The following RBFOX2 variants were observed in gnomAD, a reference collection of about 807,000 sequenced individuals.
The protein encoded by RBFOX2 is RNA binding protein fox-1 homolog 2.
A neutral mutation model predicts 49.1 loss-of-function variants in RBFOX2; 10 were observed. That is an observed-to-expected ratio of 0.20 (90% CI 0.13 to 0.35). The LOEUF (loss-of-function observed/expected upper bound fraction) is 0.35. Ranked by LOEUF, RBFOX2 falls within the 10% of genes least tolerant of loss-of-function variation. The probability of loss-of-function intolerance (pLI) is 1.00; values close to 1 mark genes in which losing one functional copy is unlikely to be tolerated. For synonymous variants in RBFOX2, 183 were observed against 187.4 expected, an observed-to-expected ratio of 0.98 and a Z score of 0.19; for missense variants, 323 against 486.9, an observed-to-expected ratio of 0.66 and a Z score of 3.17.
At chr22:35,871,390 A>T (rs1397917541) in intron 1 of RBFOX2, among the ~76,000 whole-genome samples, 1 of 152,250 alleles carries the variant, frequency 6.6e-6, no homozygotes, top group Non-Finnish European at 1.5e-5. Flanking sequence ...GAGGAGCTTC[A>T]GACTGCATAA....
chr22:35,859,028 T>C (rs1447911106), intron 1 of RBFOX2, among the ~76,000 whole-genome samples: 1 of 152,058 alleles, frequency 6.6e-6, no homozygotes, highest in Non-Finnish European at 1.5e-5. Context: ...CATGAAGGCC[T>C]ACAAACAGCA....
intron 1 of RBFOX2, among the ~76,000 whole-genome samples, chr22:36,021,977 C>A (rs2059262855): frequency 2.0e-5 from 3 of 152,212 alleles, no homozygotes; most frequent in Non-Finnish European, 2.9e-5. Flanking sequence ...CACCATCCCT[C>A]ACTCCATCTG....
At chr22:35,826,799 G>A (rs1233559817) in intron 1 of RBFOX2, among the ~76,000 whole-genome samples, 5 of 152,122 alleles carry the variant, frequency 3.3e-5, no homozygotes, top group African/African-American at 1.2e-4. Flanking sequence ...ATCAGGCACA[G>A]TAAGAGATTA....
rs778291737 is a variant in RBFOX2 at position 35,789,729 on chromosome 22, T to C, written c.253-7983A>G. Among the ~76,000 whole-genome samples the C allele has an allele frequency of 3.5e-4, 54 of 152,192 alleles. 1 individual carries two copies. Among genetic ancestry groups the C allele is most frequent in the Non-Finnish European group, 1.8e-4 (12 of 68,028 alleles). Reference sequence around the variant, plus strand: ...ATACAATTTCTTCTCTCTCTGAGCATATAAATGTAATTGTGGGGGAAAGGT... The same window carrying C: ...ATACAATTTCTTCTCTCTCTGAGCACATAAATGTAATTGTGGGGGAAAGGT... On this transcript the variant is annotated intron_variant, in intron 2 of 11. Transcript: ENST00000405409.
chr22:35,966,138 T>G (rs995735583), upstream of RBFOX2, among the ~76,000 whole-genome samples: 4 of 152,206 alleles, frequency 2.6e-5, no homozygotes, highest in African/African-American at 9.7e-5. Flanking sequence ...ACATTATGCA[T>G]TCTTTTGTGT....
chr22:35,845,733 T>G (rs568277028), intron 1 of RBFOX2, among the ~76,000 whole-genome samples: 2 of 152,320 alleles, frequency 1.3e-5, no homozygotes, highest in Non-Finnish European at 2.9e-5. Context: ...ATGGATGGGA[T>G]GTAAACAAAT....
intron 2 of RBFOX2, among the ~76,000 whole-genome samples, chr22:35,796,285 A>T (rs1948766157): frequency 6.6e-6 from 1 of 152,214 alleles, no homozygotes; most frequent in Admixed American, 6.5e-5. Flanking sequence ...GAAGCTGATA[A>T]ATTTTTAAAG....
chr22:36,013,203 T>C (rs2058891687), intron 1 of RBFOX2, among the ~76,000 whole-genome samples: 1 of 151,540 alleles, frequency 6.6e-6, no homozygotes, highest in Non-Finnish European at 1.5e-5. Context: ...AGCCCAGGAG[T>C]TCAAGGTTGC....
intron 1 of RBFOX2, among the ~76,000 whole-genome samples, chr22:35,981,195 A>G (rs1336380382): frequency 6.6e-6 from 1 of 152,224 alleles, no homozygotes; most frequent in Admixed American, 6.5e-5. Context: ...GCAAGGTCCC[A>G]CAACAAAAAA....
In RBFOX2 at chr22:35,924,073, ATCCC is replaced by A. The variant is rs1305208991; in HGVS notation, c.-34+14770_-34+14773del. On this transcript the variant is annotated intron_variant, in intron 1 of 13. Coordinates refer to the RBFOX2 transcript ENST00000359369. ...CTACATAGCCTTGGACAATGACTTA[ATCCC>A]TTTGAGCCTTGGTTTCCTCACCTGC... Among the ~76,000 whole-genome samples, 3 of 152,306 alleles carry A rather than the reference ATCCC, an allele frequency of 2.0e-5. No homozygotes were observed. The South Asian group carries it at 6.2e-4, about 32-fold the overall frequency.
intron 4 of RBFOX2, among the ~76,000 whole-genome samples, chr22:35,777,259 G>A (rs892106224): frequency 2.0e-5 from 3 of 152,126 alleles, no homozygotes; most frequent in African/African-American, 4.8e-5. Context: ...TGATCCGCCC[G>A]CCTCAGCCTC....
At chr22:35,901,581 CTGA>C (rs2048580564) in intron 1 of RBFOX2, among the ~76,000 whole-genome samples, 1 of 152,186 alleles carries the variant, frequency 6.6e-6, no homozygotes, top group Non-Finnish European at 1.5e-5. Context: ...ACTGCTACTA[CTGA>C]TGTCATTCAG....
At chr22:35,854,917 A>T (rs1308942783) in intron 1 of RBFOX2, among the ~76,000 whole-genome samples, 1 of 152,114 alleles carries the variant, frequency 6.6e-6, no homozygotes, top group Non-Finnish European at 1.5e-5. Flanking sequence ...CACTACAAAA[A>T]ATCAAATTAT....
At chr22:35,888,159 G>A (rs1398841590) in intron 1 of RBFOX2, among the ~76,000 whole-genome samples, 1 of 152,012 alleles carries the variant, frequency 6.6e-6, no homozygotes, top group East Asian at 1.9e-4. Context: ...GAAGATTGCT[G>A]GATAAAACTC....
At chr22:35,955,410 T>C (rs2055425303) in intron 1 of RBFOX2, among the ~76,000 whole-genome samples, 1 of 152,174 alleles carries the variant, frequency 6.6e-6, no homozygotes, top group Admixed American at 6.5e-5. Context: ...ATGGTTTAGT[T>C]TGTAAACTAA....
At chr22:35,799,965 T>G (rs1456604050) in intron 2 of RBFOX2, among the ~76,000 whole-genome samples, 1 of 149,932 alleles carries the variant, frequency 6.7e-6, no homozygotes, top group Non-Finnish European at 1.5e-5. Context: ...AAGACCCCCT[T>G]CCCCCACCCC....
upstream of RBFOX2, among the ~76,000 whole-genome samples, chr22:35,940,039 G>A (rs1376808958): frequency 6.6e-6 from 1 of 152,128 alleles, no homozygotes; most frequent in Non-Finnish European, 1.5e-5. Flanking sequence ...GCAGAACAGC[G>A]TAAAAGAAAT....
At chr22:35,990,294 T>G (rs2057919421) in intron 1 of RBFOX2, among the ~76,000 whole-genome samples, 1 of 151,860 alleles carries the variant, frequency 6.6e-6, no homozygotes, top group South Asian at 2.1e-4. Flanking sequence ...TTTTGCCAGG[T>G]AGGAAAAATA....
intron 1 of RBFOX2, among the ~76,000 whole-genome samples, chr22:35,883,794 T>A (rs1306854719): frequency 6.6e-6 from 1 of 152,148 alleles, no homozygotes; most frequent in Admixed American, 6.5e-5. Context: ...TACCACTACA[T>A]AACAAGGATC....
Sources: allele counts gnomAD v4.1 joint callset (sites outside exome capture counted in the v4.1 genomes callset), GRCh38; gene constraint gnomAD v4.1.1; transcripts MANE v1.5; gene names NCBI Gene and HGNC (gene_info 2026-07-23, HGNC 2026-07-21).